The following OXR1 variants were observed in gnomAD, a reference collection of about 807,000 sequenced individuals.
The protein encoded by OXR1 is oxidation resistance protein 1.
Under a neutral mutation model 104.6 loss-of-function variants are expected in OXR1, and 41 were observed. The ratio of observed to expected loss-of-function variants is 0.39; its 90% CI spans 0.31 to 0.51. OXR1 has a LOEUF of 0.51. Among genes scored for constraint, OXR1 ranks in the 20% least tolerant of loss-of-function variants. The probability of loss-of-function intolerance (pLI) is 0.77; values close to 1 mark genes in which losing one functional copy is unlikely to be tolerated. For synonymous variants in OXR1, 348 were observed against 348.4 expected (o/e 1.00, Z 0.01); for missense variants, 955 against 1,031.9 (o/e 0.93, Z 1.02).
At chr8:106,423,923 A>G (rs1819004546) in intron 2 of OXR1, among the ~76,000 whole-genome samples, 1 of 152,034 alleles carries the variant, frequency 6.6e-6, no homozygotes, top group Admixed American at 6.6e-5. Context: ...TTTCCTAACT[A>G]GTCTTGATTT....
At chr8:106,344,254 G>A (rs996097462) in intron 1 of OXR1, among the ~76,000 whole-genome samples, 2 of 152,258 alleles carry the variant, frequency 1.3e-5, no homozygotes, top group East Asian at 1.9e-4. Context: ...TGCTTCCCAC[G>A]AACTACAGTT....
At chr8:106,327,162 G>A (rs896995304) in intron 1 of OXR1, among the ~76,000 whole-genome samples, 9 of 151,930 alleles carry the variant, frequency 5.9e-5, no homozygotes, top group African/African-American at 2.2e-4. Context: ...AACCTCCAAT[G>A]GTTAGCTCAT....
At chr8:106,483,137 T>C (rs1281731332) in intron 2 of OXR1, among the ~76,000 whole-genome samples, 1 of 151,914 alleles carries the variant, frequency 6.6e-6, no homozygotes, top group Non-Finnish European at 1.5e-5. Context: ...GTAAAGCAAA[T>C]ATCATGCTTC....
intron 2 of OXR1, among the ~76,000 whole-genome samples, chr8:106,459,244 TG>T (rs1563536158): frequency 6.6e-6 from 1 of 152,028 alleles, no homozygotes; most frequent in South Asian, 2.1e-4. Context: ...ATGCTGTTAT[TG>T]GGGAGTGGGC....
At chr8:106,467,242 C>T (rs1821221977) in intron 2 of OXR1, among the ~76,000 whole-genome samples, 1 of 151,836 alleles carries the variant, frequency 6.6e-6, no homozygotes, top group African/African-American at 2.4e-5. Context: ...AAACAACAAG[C>T]AATTATTATC....
At chr8:106,443,545 G>C (rs1287501758) in intron 2 of OXR1, among the ~76,000 whole-genome samples, 1 of 152,184 alleles carries the variant, frequency 6.6e-6, no homozygotes, top group East Asian at 1.9e-4. Flanking sequence ...GGGAGTCTAA[G>C]TCTCTTTATA....
intron 1 of OXR1, among the ~76,000 whole-genome samples, chr8:106,295,864 G>A (rs540086529): frequency 6.6e-6 from 1 of 152,240 alleles, no homozygotes; most frequent in Non-Finnish European, 1.5e-5. Flanking sequence ...CCATTTCTTT[G>A]TTGCACATAC....
At chr8:106,605,957 A>ATAATAATAAAATGTGGATG (rs1448928048) in intron 3 of OXR1, among the ~76,000 whole-genome samples, 1 of 152,200 alleles carries the variant, frequency 6.6e-6, no homozygotes, top group African/African-American at 2.4e-5. Flanking sequence ...AATGTGGATG[A>ATAATAATAAAATGTGGATG]TAATCCCACC....
At chr8:106,547,780 G>A (rs1175614203) in intron 3 of OXR1, among the ~76,000 whole-genome samples, 2 of 152,094 alleles carry the variant, frequency 1.3e-5, no homozygotes, top group Non-Finnish European at 2.9e-5. Flanking sequence ...TGGGATTACG[G>A]TTGTGAGCCA....
intron 3 of OXR1, among the ~76,000 whole-genome samples, chr8:106,650,952 C>T (rs3132803): frequency 0.6 from 91,809 of 152,018 alleles, 28,891 homozygotes; most frequent in African/African-American, 0.8. Flanking sequence ...TAATCATTTC[C>T]TTATTAGTCA....
At chr8:106,730,177 C>T (rs1373557599) in intron 11 of OXR1, among the ~76,000 whole-genome samples, 1 of 152,056 alleles carries the variant, frequency 6.6e-6, no homozygotes, top group Non-Finnish European at 1.5e-5. Context: ...ACAGTTTTCC[C>T]TGTTATTCAC....
intron 3 of OXR1, among the ~76,000 whole-genome samples, chr8:106,674,047 C>T (rs1307866924): frequency 2.0e-5 from 3 of 152,186 alleles, no homozygotes; most frequent in Non-Finnish European, 4.4e-5. Context: ...TCTACTGGGG[C>T]CCTGCCCAGT....
chr8:106,492,901 G>C (rs1182575415), intron 2 of OXR1, among the ~76,000 whole-genome samples: 1 of 152,160 alleles, frequency 6.6e-6, no homozygotes, highest in Non-Finnish European at 1.5e-5. Flanking sequence ...AGATCTGGGG[G>C]ATAGACAGGG....
chr8:106,543,656 C>A (rs1381802580), intron 3 of OXR1, among the ~76,000 whole-genome samples: 1 of 152,076 alleles, frequency 6.6e-6, no homozygotes, highest in Non-Finnish European at 1.5e-5. Context: ...TATATGCCTA[C>A]AAAGCTATGG....
At chr8:106,375,721 C>G (rs1816881758) in intron 2 of OXR1, among the ~76,000 whole-genome samples, 1 of 152,092 alleles carries the variant, frequency 6.6e-6, no homozygotes, top group South Asian at 2.1e-4. Context: ...CCCAGCTAGG[C>G]CTTGGAACAG....
chr8:106,621,531 CTT>C (rs373037925), intron 3 of OXR1, among the ~76,000 whole-genome samples: 5 of 148,648 alleles, frequency 3.4e-5, no homozygotes, highest in African/African-American at 1.2e-4. Context: ...AAAAAAAAAA[CTT>C]GTTATTTTTG....
At chr8:106,389,154 AT>A (rs565414852) in intron 2 of OXR1, among the ~76,000 whole-genome samples, 5 of 152,334 alleles carry the variant, frequency 3.3e-5, no homozygotes, top group Middle Eastern at 3.4e-3. Context: ...GTAATAATTA[AT>A]TTTTGTAATG....
chr8:106,413,562 G>GGGTCAAT (rs1026756368), intron 2 of OXR1, among the ~76,000 whole-genome samples: 3 of 152,132 alleles, frequency 2.0e-5, no homozygotes, highest in African/African-American at 7.2e-5. Flanking sequence ...AGTAGGTTAA[G>GGGTCAAT]GGTCAATAAT....
chr8:106,528,135 T>C (rs1813829542), intron 3 of OXR1, among the ~76,000 whole-genome samples: 1 of 152,208 alleles, frequency 6.6e-6, no homozygotes, highest in South Asian at 2.1e-4. Flanking sequence ...TTCTGCTCTT[T>C]CTTCCACCCT....
Sources: gnomAD v4.1 joint callset for allele counts (sites outside exome capture counted in the v4.1 genomes callset) on GRCh38, gnomAD v4.1.1 for gene constraint, MANE v1.5 for transcripts, NCBI Gene and HGNC (gene_info 2026-07-23, HGNC 2026-07-21) for gene names.